The following CBFA2T3 variants were observed in gnomAD, a reference collection of about 807,000 sequenced individuals.
CBFA2T3 encodes the protein transcriptional corepressor CBFA2T3.
In CBFA2T3, 31 loss-of-function variants were observed where a neutral mutation model predicts 58.6. The ratio of observed to expected loss-of-function variants is 0.53; its 90% CI spans 0.40 to 0.71. CBFA2T3 has a LOEUF of 0.71. CBFA2T3 is among the 30% of genes least tolerant of loss of function. CBFA2T3 has a pLI of 0.00. For synonymous variants in CBFA2T3, 531 were observed against 421.9 expected (o/e 1.26, Z -3.17); for missense variants, 1,076 against 963.1 (o/e 1.12, Z -1.55).
intron 1 of CBFA2T3, among the ~76,000 whole-genome samples, chr16:88,911,036 C>A (rs374549424): frequency 4.6e-5 from 7 of 152,218 alleles, no homozygotes; most frequent in African/African-American, 1.4e-4. Flanking sequence ...CATATAAACA[C>A]GGGGAGCAGT....
intron 1 of CBFA2T3, among the ~76,000 whole-genome samples, chr16:88,954,225 C>T (rs1001653148): frequency 1.6e-4 from 24 of 152,288 alleles, no homozygotes; most frequent in African/African-American, 5.1e-4. Flanking sequence ...AACAGGCACC[C>T]TGACCACCAT....
chr16:88,906,971 G>T (rs1267348681), intron 1 of CBFA2T3, among the ~76,000 whole-genome samples: 2 of 152,220 alleles, frequency 1.3e-5, no homozygotes, highest in African/African-American at 4.8e-5. Context: ...GCTGGGGTGG[G>T]TGGCCCGTCA....
At chr16:88,914,557 C>G (rs1970629800) in intron 1 of CBFA2T3, among the ~76,000 whole-genome samples, 1 of 152,246 alleles carries the variant, frequency 6.6e-6, no homozygotes, top group Non-Finnish European at 1.5e-5. Context: ...GGGCAGGACG[C>G]TGTCGCAGCC....
In CBFA2T3 at chr16:88,904,723, C is replaced by T. The variant is rs568297637; in HGVS notation, c.152-3067G>A. ...GATGGGACCTTTCCGGGCCCCACCC[C>T]GGATTGTGCGGGGGCAGCTGTGCAG... On this transcript the variant is annotated intron_variant, in intron 1 of 11. Coordinates refer to ENST00000268679, the MANE Select transcript of CBFA2T3 (RefSeq NM_005187.6). Among the ~76,000 whole-genome samples, 42 of 151,104 alleles carry T rather than the reference C, an allele frequency of 2.8e-4. No individual in the cohort carries two copies. The South Asian group carries it at 7.5e-3, about 27-fold the overall frequency.
At position 88,875,863 on chromosome 16, in the gene CBFA2T3, G is replaced by A; in HGVS notation, c.*1113C>T. On this transcript the variant is annotated 3_prime_UTR_variant, in exon 12 of 12. Coordinates refer to ENST00000268679, the MANE Select transcript of CBFA2T3 (RefSeq NM_005187.6). ...TATGAAAAGTCACAGGGGGCGTGAG[G>A]ACAGACGGCGTGTCCTTTCCTACAC... 4.3e-6 allele frequency: 1 copy of A among 233,380 alleles called. No homozygotes were observed. Among genetic ancestry groups the A allele is most frequent in the Non-Finnish European group, 8.5e-6 (1 of 117,980 alleles). 14.5% of individuals were successfully genotyped at this position (233,380 alleles called of 1,614,324 possible).
intron 1 of CBFA2T3, among the ~76,000 whole-genome samples, chr16:88,917,935 C>A (rs1042343777): frequency 1.3e-5 from 2 of 152,144 alleles, no homozygotes; most frequent in Non-Finnish European, 2.9e-5. Context: ...GTGGAGGGAC[C>A]CCAGGAGACG....
intron 1 of CBFA2T3, among the ~76,000 whole-genome samples, chr16:88,947,086 G>C (rs1042263803): frequency 6.6e-6 from 1 of 152,196 alleles, no homozygotes; most frequent in Non-Finnish European, 1.5e-5. Flanking sequence ...GTAAACTATG[G>C]ATTTCAGTTA....
chr16:88,882,649 T>C (rs1164934085), intron 8 of CBFA2T3, 27 bp downstream of exon 8: 11 of 1,477,182 alleles, frequency 7.4e-6, no homozygotes, highest in Non-Finnish European at 1.0e-5. Flanking sequence ...CATGGCTGTG[T>C]GGGCGTGGCT....
At position 88,877,230 on chromosome 16, in the gene CBFA2T3, A is replaced by G; in HGVS notation, c.1708T>C (p.Cys570Arg). The change falls in exon 12 of 12, where the codon TGC (cysteine) becomes CGC (arginine). Residue 570 changes from cysteine (C) to arginine (R), a missense_variant. Physicochemically the swap from Cys to Arg is radical, Grantham distance 180. Coordinates refer to ENST00000268679, the MANE Select transcript of CBFA2T3 (RefSeq NM_005187.6). ...GACCCGCAGTAGCGTGCCGCGTTGC[A>G]GCCGCTGCACGTCTCACTGGCTTTC... ...GRKASETCSG[C>R]NAARYCGSFC... is the part of the protein sequence containing the mutation. 1 of 1,556,128 alleles carries G rather than the reference A, an allele frequency of 6.4e-7. No individual in the cohort carries two copies. Among genetic ancestry groups the G allele is most frequent in the Non-Finnish European group, 8.7e-7 (1 of 1,150,524 alleles).
chr16:88,972,875 T>C (rs1972688869), intron 1 of CBFA2T3, among the ~76,000 whole-genome samples: 1 of 152,192 alleles, frequency 6.6e-6, no homozygotes, highest in Admixed American at 6.5e-5. Flanking sequence ...GATGGCACTT[T>C]GCTCACAGAC....
At position 88,899,843 on chromosome 16, in the gene CBFA2T3, G is replaced by A. The variant is rs146050553; in HGVS notation, c.304+1661C>T. Among the ~76,000 whole-genome samples, 94 of 152,274 alleles carry A rather than the reference G, an allele frequency of 6.2e-4. 3 individuals are homozygous for A. In the South Asian group the frequency reaches 0.012, roughly 20 times the overall value. ...GTCCGTCCTGAGCGTTTCCTCCCCCGGGGCTGGGGTATACTGCAAATTTAA... is the reference window on the plus strand; with the variant it reads ...GTCCGTCCTGAGCGTTTCCTCCCCCAGGGCTGGGGTATACTGCAAATTTAA... On this transcript the variant is annotated intron_variant, in intron 2 of 11. Transcript: ENST00000268679.
At chr16:88,896,076 C>T (rs1483868226) in intron 3 of CBFA2T3, among the ~76,000 whole-genome samples, 3 of 152,228 alleles carry the variant, frequency 2.0e-5, no homozygotes. Flanking sequence ...AGGGTTGCTC[C>T]ATCCTGACTG....
chr16:88,878,606 G>C (rs1968931315), intron 11 of CBFA2T3, among the ~76,000 whole-genome samples: 1 of 152,190 alleles, frequency 6.6e-6, no homozygotes, highest in Non-Finnish European at 1.5e-5. Context: ...CGCCACCTGG[G>C]GCCCTCACAG....
chr16:88,948,376 A>G (rs1213905024), intron 1 of CBFA2T3, among the ~76,000 whole-genome samples: 2 of 152,182 alleles, frequency 1.3e-5, no homozygotes, highest in Non-Finnish European at 2.9e-5. Context: ...TTCTTGGGGA[A>G]CTGGGAGAGG....
chr16:88,967,771 G>A (rs13337667), intron 1 of CBFA2T3, among the ~76,000 whole-genome samples: 24,334 of 152,192 alleles, frequency 0.16, 5,405 homozygotes, highest in African/African-American at 0.5. Flanking sequence ...CTGGGGGCTC[G>A]TCGCGGCTCA....
At chr16:88,932,631 A>T (rs1234042989) in intron 1 of CBFA2T3, among the ~76,000 whole-genome samples, 1 of 151,116 alleles carries the variant, frequency 6.6e-6, no homozygotes, top group Non-Finnish European at 1.5e-5. Context: ...TGAGCGATAG[A>T]GGGAGACCCC....
chr16:88,882,481 G>A (rs1359423185), intron 8 of CBFA2T3, among the ~76,000 whole-genome samples, 195 bp downstream of exon 8: 1 of 149,822 alleles, frequency 6.7e-6, no homozygotes, highest in Admixed American at 6.7e-5. Context: ...GGGTGGCTGT[G>A]TGTGACTGCA....
chr16:88,894,701 C>T (rs940249441), intron 3 of CBFA2T3, among the ~76,000 whole-genome samples: 1 of 152,236 alleles, frequency 6.6e-6, no homozygotes, highest in African/African-American at 2.4e-5. Context: ...GGGATCCACC[C>T]CTCACCCGTG....
chr16:88,892,035 C>T (rs1048789565), intron 4 of CBFA2T3, 64 bp from the exon 5 acceptor site: 7 of 1,460,858 alleles, frequency 4.8e-6, no homozygotes, highest in Non-Finnish European at 5.7e-6. Context: ...GCCGACCCAC[C>T]CATGCCTGAG....
Sources: gnomAD v4.1 joint callset for allele counts (sites outside exome capture counted in the v4.1 genomes callset) on GRCh38, gnomAD v4.1.1 for gene constraint, MANE v1.5 for transcripts, NCBI Gene and HGNC (gene_info 2026-07-23, HGNC 2026-07-21) for gene names.